The following GNA12 variants were observed in gnomAD, a reference collection of about 807,000 sequenced individuals.
The protein encoded by GNA12 is G protein subunit alpha 12.
A neutral mutation model predicts 26.0 loss-of-function variants in GNA12; 9 were observed. That is an observed-to-expected ratio of 0.35 (90% CI 0.21 to 0.60). The LOEUF (loss-of-function observed/expected upper bound fraction) is 0.60. Ranked by LOEUF, GNA12 falls within the 20% of genes least tolerant of loss-of-function variation. The pLI, the probability that GNA12 is intolerant of heterozygous loss-of-function variation, is 0.78. For synonymous variants in GNA12, 264 were observed against 219.6 expected (o/e 1.20, Z -1.79); for missense variants, 405 against 525.8 (o/e 0.77, Z 2.25).
chr7:2,785,110 G>C (rs965204839), intron 2 of GNA12, among the ~76,000 whole-genome samples: 2 of 152,076 alleles, frequency 1.3e-5, no homozygotes, highest in East Asian at 1.9e-4. Context: ...CAACATCACA[G>C]GCAGAAACAC....
intron 2 of GNA12, among the ~76,000 whole-genome samples, chr7:2,779,122 G>A (rs946779863): frequency 2.6e-5 from 4 of 152,160 alleles, no homozygotes; most frequent in Admixed American, 1.3e-4. Flanking sequence ...ATTCTGGGAG[G>A]CCAAGGCGGG....
chr7:2,776,772 G>A (rs1232499083), intron 2 of GNA12, among the ~76,000 whole-genome samples: 1 of 152,192 alleles, frequency 6.6e-6, no homozygotes, highest in Non-Finnish European at 1.5e-5. Context: ...TCCTAAGCAA[G>A]AAACTGTACT....
chr7:2,748,913 CTCA>C (rs1384773717), intron 2 of GNA12, among the ~76,000 whole-genome samples: 12 of 152,198 alleles, frequency 7.9e-5, no homozygotes, highest in Admixed American at 2.0e-4. Flanking sequence ...TGAAAAAATG[CTCA>C]TCATCACTGG....
At chr7:2,810,945 T>A (rs1468720526) in intron 1 of GNA12, among the ~76,000 whole-genome samples, 1 of 151,252 alleles carries the variant, frequency 6.6e-6, no homozygotes, top group African/African-American at 2.4e-5. Flanking sequence ...GATAATGAGA[T>A]AACATGTGGA....
intron 1 of GNA12, among the ~76,000 whole-genome samples, chr7:2,809,211 T>A (rs1278538752): frequency 2.0e-5 from 3 of 151,994 alleles, no homozygotes; most frequent in Non-Finnish European, 4.4e-5. Context: ...TCTGCTCTGT[T>A]CACACCCGTG....
chr7:2,745,037 A>C (rs965436284), intron 2 of GNA12, among the ~76,000 whole-genome samples: 2 of 152,202 alleles, frequency 1.3e-5, no homozygotes, highest in African/African-American at 4.8e-5. Flanking sequence ...CCAAATCTAC[A>C]TCTGATTGGT....
At chr7:2,753,615 A>G (rs1791143259) in intron 2 of GNA12, among the ~76,000 whole-genome samples, 1 of 152,102 alleles carries the variant, frequency 6.6e-6, no homozygotes, top group Non-Finnish European at 1.5e-5. Context: ...TTGTTTCTGT[A>G]TTTTAGCTAT....
intron 1 of GNA12, among the ~76,000 whole-genome samples, chr7:2,817,863 C>T (rs1274408947): frequency 6.6e-6 from 1 of 152,186 alleles, no homozygotes; most frequent in Non-Finnish European, 1.5e-5. Context: ...TTATCATCTC[C>T]TCCTTCCATT....
At chr7:2,748,684 T>C (rs560637185) in intron 2 of GNA12, among the ~76,000 whole-genome samples, 2 of 152,260 alleles carry the variant, frequency 1.3e-5, no homozygotes, top group East Asian at 1.9e-4. Context: ...CTAAAGAGTT[T>C]CTGCACAGCA....
chr7:2,745,818 C>G (rs930479870), intron 2 of GNA12, among the ~76,000 whole-genome samples: 10 of 152,090 alleles, frequency 6.6e-5, no homozygotes, highest in Non-Finnish European at 1.3e-4. Flanking sequence ...TAAAGGGATG[C>G]AGGAAGATCT....
At chr7:2,840,928 C>T (rs1303457370) in intron 1 of GNA12, among the ~76,000 whole-genome samples, 1 of 151,972 alleles carries the variant, frequency 6.6e-6, no homozygotes, top group Non-Finnish European at 1.5e-5. Context: ...GGGGTGGGGG[C>T]TGAAGAGGAG....
intron 2 of GNA12, among the ~76,000 whole-genome samples, chr7:2,783,910 C>A (rs1048989059): frequency 6.6e-6 from 1 of 151,968 alleles, no homozygotes; most frequent in Non-Finnish European, 1.5e-5. Context: ...GTCTCAAACT[C>A]CTGACTTCAA....
intron 2 of GNA12, among the ~76,000 whole-genome samples, chr7:2,776,307 T>C (rs1430967353): frequency 2.0e-5 from 3 of 152,188 alleles, no homozygotes; most frequent in African/African-American, 7.2e-5. Context: ...AAGAGGCCAG[T>C]GCTCAGAGTG....
At chr7:2,786,432 C>G (rs1222717050) in intron 2 of GNA12, among the ~76,000 whole-genome samples, 38 of 152,014 alleles carry the variant, frequency 2.5e-4, no homozygotes, top group Non-Finnish European at 5.9e-5. Context: ...TGTCAATAGC[C>G]AACTAAGAAG....
intron 2 of GNA12, among the ~76,000 whole-genome samples, chr7:2,741,087 A>G (rs1790477615): frequency 6.6e-6 from 1 of 151,954 alleles, no homozygotes; most frequent in Admixed American, 6.5e-5. Context: ...CAAACAAAAA[A>G]CCACTATAGA....
intron 1 of GNA12, among the ~76,000 whole-genome samples, chr7:2,816,252 G>C (rs1334805916): frequency 1.5e-5 from 1 of 68,954 alleles, no homozygotes; most frequent in Admixed American, 1.6e-4. Flanking sequence ...TTTTTTTTGA[G>C]ATAGTCTTGA....
chr7:2,810,921 GAAAA>G (rs1261683919), intron 1 of GNA12, among the ~76,000 whole-genome samples: 6 of 146,838 alleles, frequency 4.1e-5, no homozygotes, highest in African/African-American at 1.5e-4. Context: ...AAGAAAGAAA[GAAAA>G]AAACAAAAAG....
intron 1 of GNA12, among the ~76,000 whole-genome samples, chr7:2,818,340 G>A (rs189380777): frequency 7.9e-5 from 12 of 152,350 alleles, no homozygotes; most frequent in Middle Eastern, 3.4e-3. Context: ...GCACCCATCA[G>A]TGTCACAACC....
chr7:2,789,942 C>T (rs1792475226), intron 2 of GNA12, among the ~76,000 whole-genome samples: 1 of 152,230 alleles, frequency 6.6e-6, no homozygotes, highest in Admixed American at 6.5e-5. Context: ...TTTTGGCTCA[C>T]AAAGCGCCTC....
Sources: allele counts gnomAD v4.1 joint callset (sites outside exome capture counted in the v4.1 genomes callset), GRCh38; gene constraint gnomAD v4.1.1; transcripts MANE v1.5; gene names NCBI Gene and HGNC (gene_info 2026-07-23, HGNC 2026-07-21).